TTC28: variants seen among roughly 807,000 people sequenced by gnomAD.
The protein encoded by TTC28 is tetratricopeptide repeat domain 28, also known as tetratricopeptide repeat protein 28.
In TTC28, 61 loss-of-function variants were observed where a neutral mutation model predicts 198.0. That is an observed-to-expected ratio of 0.31 (90% CI 0.25 to 0.38). The LOEUF (loss-of-function observed/expected upper bound fraction) is 0.38, where lower values mean the gene tolerates loss of function less well. Among genes scored for constraint, TTC28 ranks in the 10% least tolerant of loss-of-function variants. The pLI, the probability that TTC28 is intolerant of heterozygous loss-of-function variation, is 1.00. For synonymous variants in TTC28, 1,171 were observed against 1,297.8 expected (o/e 0.90, Z 2.10); for missense variants, 2,678 against 3,164.0 (o/e 0.85, Z 3.69).
At chr22:28,093,442 T>C (rs1300313724) in intron 12 of TTC28, among the ~76,000 whole-genome samples, 2 of 152,252 alleles carry the variant, frequency 1.3e-5, no homozygotes, top group African/African-American at 4.8e-5. Flanking sequence ...GAAATCTGGT[T>C]ACAACCCAGC....
chr22:28,376,826 T>C (rs2146010084), intron 2 of TTC28, among the ~76,000 whole-genome samples: 1 of 152,242 alleles, frequency 6.6e-6, no homozygotes, highest in Middle Eastern at 3.4e-3. Context: ...TGCCCCGACC[T>C]GACGTCTTCA....
intron 2 of TTC28, among the ~76,000 whole-genome samples, chr22:28,472,805 A>C (rs2048115108): frequency 1.3e-5 from 2 of 152,172 alleles, no homozygotes; most frequent in Non-Finnish European, 2.9e-5. Flanking sequence ...CCAAGTGACC[A>C]ATACCATGAA....
intron 2 of TTC28, among the ~76,000 whole-genome samples, chr22:28,335,943 T>C (rs2045708724): frequency 6.6e-6 from 1 of 152,198 alleles, no homozygotes; most frequent in South Asian, 2.1e-4. Context: ...GCTTCCAGTT[T>C]TTGGCCATTC....
At chr22:28,523,569 G>A (rs771516518) in intron 2 of TTC28, among the ~76,000 whole-genome samples, 1 of 152,150 alleles carries the variant, frequency 6.6e-6, no homozygotes, top group African/African-American at 2.4e-5. Context: ...GTATCTGAGA[G>A]CGTTCCATGT....
chr22:28,545,704 A>AT (rs1259283142), intron 2 of TTC28, among the ~76,000 whole-genome samples: 1 of 152,190 alleles, frequency 6.6e-6, no homozygotes, highest in Admixed American at 6.5e-5. Flanking sequence ...GGATATTTAA[A>AT]TTTAAAAATA....
At position 28,043,242 on chromosome 22, in the gene TTC28, CAAAAAAAAAAAA is replaced by C. The variant is rs11362041; in HGVS notation, c.3933-12888_3933-12877del. On this transcript the variant is annotated intron_variant, in intron 12 of 22. Transcript: ENST00000397906. ...TGCATAACAGAGTAAGACTCCATCT[CAAAAAAAAAAAA>C]AAAAAAAAAAAAAAAGAAAAGATAT... is the stretch of plus-strand genomic sequence containing the variant. Among the ~76,000 whole-genome samples the C allele has an allele frequency of 1.5e-4, 10 of 65,570 alleles. No homozygotes were observed. In the South Asian group the frequency reaches 2.0e-3, roughly 13 times the overall value. 43.0% of individuals were successfully genotyped at this position (65,570 alleles called of 152,430 possible).
At chr22:28,315,877 G>A (rs766327683) in intron 2 of TTC28, among the ~76,000 whole-genome samples, 6 of 152,180 alleles carry the variant, frequency 3.9e-5, no homozygotes, top group Admixed American at 2.0e-4. Context: ...AAAGGATGAG[G>A]TTGGAGTGAA....
intron 2 of TTC28, among the ~76,000 whole-genome samples, chr22:28,431,639 CTAAG>C (rs1569321318): frequency 6.6e-6 from 1 of 152,122 alleles, no homozygotes; most frequent in Non-Finnish European, 1.5e-5. Flanking sequence ...AAGAAATGTA[CTAAG>C]TTTCTCCATA....
chr22:27,996,293 C>G (rs1937550474), intron 16 of TTC28, 34 bp from the exon 17 acceptor site: 1 of 1,542,586 alleles, frequency 6.5e-7, no homozygotes, highest in African/African-American at 1.4e-5. Context: ...CTCAGCAGGG[C>G]AGCTGGAGAC....
chr22:27,993,987 CG>C (rs1445988064), intron 17 of TTC28, among the ~76,000 whole-genome samples: 1 of 152,236 alleles, frequency 6.6e-6, no homozygotes. Context: ...TTGGTCCCTC[CG>C]CACTGGCTTC....
At chr22:28,257,753 T>G in intron 5 of TTC28, among the ~76,000 whole-genome samples, 1 of 39,540 alleles carries the variant, frequency 2.5e-5, no homozygotes, top group South Asian at 1.5e-3. Context: ...TATATATATA[T>G]ATATATATAT....
rs374875310 is a variant in TTC28, at chr22:28,440,771, T to C, written c.382-134128A>G. The stretch of plus-strand genomic sequence containing the variant: ...AGAAACCATGGCAATGATCTGATCA[T>C]GTGAGTATTCTGGCAAGAGTAAGAA... On this transcript the variant is annotated intron_variant, in intron 2 of 22. Transcript: ENST00000397906. 3.3e-5 allele frequency among the ~76,000 whole-genome samples: 5 copies of C among 152,216 alleles called. No individual in the cohort carries two copies. The East Asian group carries it at 7.7e-4, about 23-fold the overall frequency.
At chr22:28,205,702 C>A (rs571736852) in intron 5 of TTC28, among the ~76,000 whole-genome samples, 1 of 152,152 alleles carries the variant, frequency 6.6e-6, no homozygotes, top group South Asian at 2.1e-4. Context: ...AGGGCCAACT[C>A]TGAAATGAAG....
intron 5 of TTC28, among the ~76,000 whole-genome samples, chr22:28,164,213 T>C (rs1921601379): frequency 6.6e-6 from 1 of 152,198 alleles, no homozygotes; most frequent in Non-Finnish European, 1.5e-5. Context: ...ACTCCACCTC[T>C]GGGAGCAGGG....
chr22:28,505,165 G>A (rs892127776), intron 2 of TTC28, among the ~76,000 whole-genome samples: 3 of 147,200 alleles, frequency 2.0e-5, no homozygotes, highest in South Asian at 2.1e-4. Flanking sequence ...GGTGAGGCAG[G>A]AGAACTGCTT....
At chr22:28,653,213 C>T (rs2051590574) in intron 1 of TTC28, among the ~76,000 whole-genome samples, 1 of 152,104 alleles carries the variant, frequency 6.6e-6, no homozygotes, top group Non-Finnish European at 1.5e-5. Flanking sequence ...TAAAAATAAA[C>T]ATACCATATG....
At chr22:28,049,258 G>A (rs181795418) in intron 12 of TTC28, among the ~76,000 whole-genome samples, 31 of 152,254 alleles carry the variant, frequency 2.0e-4, no homozygotes, top group Admixed American at 1.1e-3. Flanking sequence ...GAACAGCTGC[G>A]AAATGGTTTT....
At chr22:28,169,108 C>T (rs961167436) in intron 5 of TTC28, among the ~76,000 whole-genome samples, 10 of 152,174 alleles carry the variant, frequency 6.6e-5, no homozygotes, top group African/African-American at 2.4e-4. Flanking sequence ...AAATGCAAAT[C>T]AAAACCACAA....
intron 4 of TTC28, among the ~76,000 whole-genome samples, chr22:28,297,115 T>C (rs2044913449): frequency 2.6e-5 from 4 of 152,174 alleles, no homozygotes; most frequent in African/African-American, 9.6e-5. Context: ...CTCTTGGCCT[T>C]TTGGGAGTGC....
Sources: allele counts gnomAD v4.1 joint callset (sites outside exome capture counted in the v4.1 genomes callset), GRCh38; gene constraint gnomAD v4.1.1; transcripts MANE v1.5; gene names NCBI Gene and HGNC (gene_info 2026-07-23, HGNC 2026-07-21).